Variants in GGPS1 observed in about 807,000 individuals in gnomAD.
GGPS1 encodes geranylgeranyl pyrophosphate synthase.
In GGPS1, 15 loss-of-function variants were observed where a neutral mutation model predicts 28.1. The ratio of observed to expected loss-of-function variants is 0.53; its 90% confidence interval spans 0.36 to 0.82. GGPS1 has a LOEUF of 0.82. Among genes scored for constraint, GGPS1 ranks in the 40% least tolerant of loss-of-function variants. The pLI is 0.01. For synonymous variants in GGPS1, 138 were observed against 122.4 expected (o/e 1.13, Z -0.84); for missense variants, 284 against 348.3 (o/e 0.82, Z 1.47).
At chr1:235,328,993 G>A (rs1282176227) in intron 1 of GGPS1, 1 of 152,376 alleles carries the variant, frequency 6.6e-6, no homozygotes, top group Non-Finnish European at 1.5e-5. Flanking sequence ...GGAGGAAGCA[G>A]AAACCTCACC....
chr1:235,340,142 AAAC>A (rs1158410735), intron 2 of GGPS1, among the ~76,000 whole-genome samples: 36 of 152,094 alleles, frequency 2.4e-4, no homozygotes, highest in African/African-American at 8.5e-4. Context: ...CAAAAACAAA[AAAC>A]AAAAAGACCT....
intron 2 of GGPS1, among the ~76,000 whole-genome samples, chr1:235,340,580 C>CA (rs1676007275): frequency 6.7e-6 from 1 of 150,080 alleles, no homozygotes; most frequent in African/African-American, 2.4e-5. Context: ...ACTAAAAATA[C>CA]AAAAAATGAG....
intron 2 of GGPS1, among the ~76,000 whole-genome samples, chr1:235,340,113 A>C (rs1483249253): frequency 2.0e-5 from 3 of 152,180 alleles, no homozygotes; most frequent in Non-Finnish European, 4.4e-5. Context: ...AGCCTGGGCA[A>C]CAGAATGAGA....
In GGPS1 at chr1:235,334,898, C is replaced by T. The variant is rs140254218; in HGVS notation, c.-23-344C>T. 1.2e-3 allele frequency among the ~76,000 whole-genome samples: 190 copies of T among 152,224 alleles called. 1 individual carries two copies. Among genetic ancestry groups the T allele is most frequent in the African/African-American group, 4.5e-3 (185 of 41,522 alleles). The stretch of plus-strand genomic sequence containing the variant: ...AACTACAGGCACACACCACCATGCT[C>T]GGCTAATCTTTGTAGTTTTAGTAGA... On this transcript the variant is annotated intron_variant, in intron 1 of 3. Coordinates refer to ENST00000282841, the MANE Select transcript of GGPS1 (RefSeq NM_004837.4).
intron 2 of GGPS1, among the ~76,000 whole-genome samples, chr1:235,341,246 G>A (rs545697654): frequency 2.6e-5 from 4 of 152,206 alleles, no homozygotes; most frequent in African/African-American, 9.6e-5. Context: ...AGAATCATGT[G>A]AACCCAGGAG....
intron 1 of GGPS1, chr1:235,329,400 C>T (rs1264846034): frequency 6.6e-6 from 1 of 152,258 alleles, no homozygotes; most frequent in African/African-American, 2.4e-5. Flanking sequence ...CTGAACAAAA[C>T]GATGTGAAAT....
chr1:235,330,906 G>A (rs1299025132), intron 1 of GGPS1, among the ~76,000 whole-genome samples: 1 of 152,186 alleles, frequency 6.6e-6, no homozygotes, highest in Admixed American at 6.5e-5. Flanking sequence ...TTTAAATAGA[G>A]AAGTATATGA....
chr1:235,335,812 C>T (rs954399606), intron 2 of GGPS1, among the ~76,000 whole-genome samples: 1 of 152,176 alleles, frequency 6.6e-6, no homozygotes, highest in South Asian at 2.1e-4. Flanking sequence ...TCAGATTCCC[C>T]ACTGTTTAGA....
rs1180663077 is a variant in GGPS1, at chr1:235,342,071, G to T, written c.202G>T (p.Asp68Tyr). ...CAGTTTACTCATCGATGATATTGAAGACAACTCAAAACTCCGACGTGGCTT... is the reference window on the plus strand; with the variant it reads ...CAGTTTACTCATCGATGATATTGAATACAACTCAAAACTCCGACGTGGCTT... ...NASLLIDDIE[D>Y]NSKLRRGFPV... Residue 68 changes from aspartate (D) to tyrosine (Y), a missense_variant, in exon 4 of 4, where the codon GAC (aspartate) becomes TAC (tyrosine). Coordinates refer to ENST00000282841, the MANE Select transcript of GGPS1 (RefSeq NM_004837.4). 6.2e-7 allele frequency: 1 copy of T among 1,610,620 alleles called. No individual in the cohort carries two copies. Among genetic ancestry groups the T allele is most frequent in the Non-Finnish European group, 8.5e-7 (1 of 1,177,342 alleles).
At chr1:235,328,067 C>G (rs368044621), upstream of GGPS1, 2 of 153,040 alleles carry the variant, frequency 1.3e-5, no homozygotes, top group South Asian at 4.1e-4. Flanking sequence ...CTCTGCAGCT[C>G]CCTCCGGGCA....
intron 2 of GGPS1, among the ~76,000 whole-genome samples, chr1:235,335,775 G>T (rs1168391706): frequency 2.0e-5 from 3 of 152,176 alleles, no homozygotes; most frequent in Non-Finnish European, 4.4e-5. Context: ...CTCATTGGAG[G>T]TTGTACTCTT....
Position 235,342,530 on chromosome 1 carries a change from A to G in GGPS1, c.661A>G (p.Ile221Val). ...GKFSFPTIHA[I>V]WSRPESTQVQ... ...GTTCTCATTTCCTACTATTCATGCTATTTGGTCAAGGCCTGAAAGCACCCA... is the reference window on the plus strand; with the variant it reads ...GTTCTCATTTCCTACTATTCATGCTGTTTGGTCAAGGCCTGAAAGCACCCA... The change falls in exon 4 of 4, where the codon ATT (isoleucine) becomes GTT (valine). Residue 221 changes from isoleucine (I) to valine (V), a missense_variant. By Grantham distance (29) the Ile-to-Val change is conservative (BLOSUM62 3). Coordinates refer to ENST00000282841, the MANE Select transcript of GGPS1 (RefSeq NM_004837.4). The G allele has an allele frequency of 8.7e-6, 14 of 1,613,644 alleles. No homozygotes were observed. Among genetic ancestry groups the G allele is most frequent in the Non-Finnish European group, 1.1e-5 (13 of 1,179,592 alleles).
chr1:235,333,551 G>A (rs1381419024), intron 1 of GGPS1, among the ~76,000 whole-genome samples: 5 of 146,128 alleles, frequency 3.4e-5, no homozygotes, highest in Admixed American at 2.7e-4. Flanking sequence ...CCTGGGCAAC[G>A]AGCAAAACTC....
intron 1 of GGPS1, among the ~76,000 whole-genome samples, chr1:235,332,469 G>C (rs1675745637): frequency 6.6e-6 from 1 of 152,178 alleles, no homozygotes; most frequent in Non-Finnish European, 1.5e-5. Flanking sequence ...GTCATCTGCT[G>C]ATGGACACTT....
At chr1:235,334,447 T>C (rs1675808487) in intron 1 of GGPS1, among the ~76,000 whole-genome samples, 2 of 152,254 alleles carry the variant, frequency 1.3e-5, no homozygotes, top group Admixed American at 6.5e-5. Context: ...AAGAATTTTC[T>C]AATTGAGATA....
chr1:235,340,004 T>C (rs1455729722), intron 2 of GGPS1, among the ~76,000 whole-genome samples: 1 of 151,856 alleles, frequency 6.6e-6, no homozygotes, highest in Non-Finnish European at 1.5e-5. Context: ...TGGTGGCACA[T>C]GCGTGTAATC....
chr1:235,341,394 G>T (rs547137444), intron 2 of GGPS1, among the ~76,000 whole-genome samples: 1 of 152,154 alleles, frequency 6.6e-6, no homozygotes, highest in Admixed American at 6.6e-5. Context: ...AGTCCTAAAA[G>T]CCCATCCTAC....
intron 1 of GGPS1, chr1:235,329,120 C>T (rs945864030): frequency 6.6e-6 from 1 of 152,296 alleles, no homozygotes; most frequent in Non-Finnish European, 1.5e-5. Flanking sequence ...CAGGCGGCTT[C>T]TTTCAGATCC....
At chr1:235,338,656 G>A (rs565230239) in intron 2 of GGPS1, among the ~76,000 whole-genome samples, 51 of 151,658 alleles carry the variant, frequency 3.4e-4, no homozygotes, top group African/African-American at 1.2e-3. Flanking sequence ...GATTGCTTTT[G>A]AGCCCAGGGG....
Sources: gnomAD v4.1 joint callset for allele counts (sites outside exome capture counted in the v4.1 genomes callset) on GRCh38, gnomAD v4.1.1 for gene constraint, MANE v1.5 for transcripts, NCBI Gene and HGNC (gene_info 2026-07-23, HGNC 2026-07-21) for gene names.